Variants in AMOTL1 observed in about 807,000 individuals in gnomAD.
AMOTL1 encodes the protein angiomotin like 1.
Under a neutral mutation model 102.9 loss-of-function variants are expected in AMOTL1, and 45 were observed. That is an observed-to-expected ratio of 0.44 (90% CI 0.34 to 0.56). The LOEUF is 0.56. AMOTL1 is among the 20% of genes least tolerant of loss of function. AMOTL1 has a pLI of 0.01. For missense variants in AMOTL1, 1,114 were observed against 1,225.6 expected, an observed-to-expected ratio of 0.91 and a Z score of 1.36; for synonymous variants, 481 against 484.7, an observed-to-expected ratio of 0.99 and a Z score of 0.10.
rs373703448 is a variant in AMOTL1, at chr11:94,817,215, C to CT, written c.1122-4305dup. On this transcript the variant is annotated intron_variant, in intron 3 of 12. Coordinates refer to ENST00000433060, the MANE Select transcript of AMOTL1 (RefSeq NM_130847.3). ...TGCTCTCAAAGAATAAAGGTTTATG[C>CT]TTTTTTTTTTGGAAATCGTTGAGTT... 5.8e-3 allele frequency among the ~76,000 whole-genome samples: 859 copies of CT among 147,538 alleles called. 8 individuals carry two copies. The highest frequency in any genetic ancestry group is 9.7e-3 in the Non-Finnish European group (645 of 66,666).
At chr11:94,750,971 G>A (rs1372793725) in intron 3 of AMOTL1, among the ~76,000 whole-genome samples, 1 of 152,170 alleles carries the variant, frequency 6.6e-6, no homozygotes, top group Non-Finnish European at 1.5e-5. Context: ...GAGGCTCAGA[G>A]AGGTTAAAGG....
chr11:94,852,347 G>A (rs1952558331), intron 7 of AMOTL1, among the ~76,000 whole-genome samples: 1 of 152,226 alleles, frequency 6.6e-6, no homozygotes, highest in African/African-American at 2.4e-5. Context: ...CAGCAATGCT[G>A]CCTGCTGAGT....
rs1169006115 is a variant in AMOTL1, at chr11:94,869,442, C to T, written c.2733C>T (p.His911=). The change falls in exon 12 of 13, where the codon CAC becomes CAT. Residue 911 remains histidine, a synonymous_variant. Transcript: ENST00000433060. The part of the protein sequence containing the change: ...TTPAHSPVLK[H]PAAKGTAEKL... The stretch of plus-strand genomic sequence containing the variant: ...CTGCTCACAGCCCCGTCCTGAAACA[C>T]CCAGCGGCCAAAGGGACCGCAGAGA... 1.9e-6 allele frequency: 3 copies of T among 1,603,458 alleles called. No homozygotes were observed. The highest frequency in any genetic ancestry group is 2.2e-5 in the South Asian group (2 of 88,964).
At chr11:94,780,441 A>G (rs1267551405) in intron 1 of AMOTL1, among the ~76,000 whole-genome samples, 2 of 152,186 alleles carry the variant, frequency 1.3e-5, no homozygotes, top group Non-Finnish European at 2.9e-5. Context: ...GTCTTCCCTC[A>G]TCCCAAATTC....
intron 7 of AMOTL1, among the ~76,000 whole-genome samples, chr11:94,850,654 G>A (rs947763664): frequency 4.6e-5 from 7 of 152,144 alleles, no homozygotes; most frequent in Non-Finnish European, 1.0e-4. Context: ...GACCATTTCC[G>A]AGGTCCAAGC....
intron 1 of AMOTL1, among the ~76,000 whole-genome samples, chr11:94,709,047 A>C (rs1208299248): frequency 1.3e-5 from 2 of 152,208 alleles, no homozygotes; most frequent in Admixed American, 1.3e-4. Context: ...GGATGTGCAG[A>C]TCAGTGTTTA....
rs531079356 is a variant in AMOTL1 at position 94,871,951 on chromosome 11, A to T, written c.*1156A>T. The T allele has an allele frequency of 6.6e-6, 1 of 151,590 alleles. No individual in the cohort carries two copies. The highest frequency in any genetic ancestry group is 2.4e-5 in the African/African-American group (1 of 40,992). 9.4% of individuals were successfully genotyped at this position (151,590 alleles called of 1,614,324 possible). ...CGTATAGCTTCTTGTATTGAGGCTC[A>T]TGAGCGTATTCACACTCTTTCCTCC... On this transcript the variant is annotated 3_prime_UTR_variant, in exon 13 of 13. Coordinates refer to ENST00000433060, the MANE Select transcript of AMOTL1 (RefSeq NM_130847.3).
chr11:94,866,716 G>A (rs1283805914), intron 11 of AMOTL1: 1 of 155,680 alleles, frequency 6.4e-6, no homozygotes, highest in African/African-American at 2.6e-5. Flanking sequence ...TGGGAGGGAA[G>A]AATGGGATAA....
chr11:94,861,323 A>C (rs1429077822), intron 9 of AMOTL1, among the ~76,000 whole-genome samples: 1 of 152,128 alleles, frequency 6.6e-6, no homozygotes, highest in Non-Finnish European at 1.5e-5. Context: ...TACATAATTG[A>C]AATGGTTTTT....
At chr11:94,716,671 G>A (rs1319837776) in intron 1 of AMOTL1, among the ~76,000 whole-genome samples, 2 of 152,066 alleles carry the variant, frequency 1.3e-5, no homozygotes, top group East Asian at 1.9e-4. Flanking sequence ...ATGGAGGAAG[G>A]GACGGGTCCT....
rs1183670608 is a variant in AMOTL1, at chr11:94,876,122, G to T, written c.*5327G>T. On this transcript the variant is annotated 3_prime_UTR_variant, in exon 13 of 13. Transcript: ENST00000433060. ...CCCGGTGTTGTGTTTACATGTGATT[G>T]TGCCTAGGAGTCTGTTCACATAGAG... is the stretch of plus-strand genomic sequence containing the variant. The T allele has an allele frequency of 6.6e-6, 1 of 152,614 alleles. No individual in the cohort carries two copies. Among genetic ancestry groups the T allele is most frequent in the Non-Finnish European group, 1.5e-5 (1 of 68,036 alleles). The allele number at this position is 152,614 out of a possible 1,614,324, so 9.5% of individuals were successfully genotyped here.
rs144316124 is a variant in AMOTL1 at position 94,852,110 on chromosome 11, C to A, written c.1795-1823C>A. On this transcript the variant is annotated intron_variant, in intron 7 of 12. Coordinates refer to ENST00000433060, the MANE Select transcript of AMOTL1 (RefSeq NM_130847.3). ...TATGGTAAGTGGTGTATGAATCACA[C>A]ACACAAAATATTTTGTCAGATGAGG... 3.9e-5 allele frequency among the ~76,000 whole-genome samples: 6 copies of A among 152,314 alleles called. 1 individual carries two copies. The East Asian group carries it at 1.2e-3, about 29-fold the overall frequency.
chr11:94,751,424 A>G (rs996382719), intron 3 of AMOTL1, among the ~76,000 whole-genome samples: 21 of 152,218 alleles, frequency 1.4e-4, no homozygotes, highest in African/African-American at 5.1e-4. Flanking sequence ...AATAGTGCTG[A>G]TACTATTTCT....
intron 3 of AMOTL1, among the ~76,000 whole-genome samples, chr11:94,805,584 G>C (rs952538091): frequency 4.6e-5 from 7 of 152,106 alleles, no homozygotes; most frequent in African/African-American, 1.7e-4. Flanking sequence ...AACACTTAAG[G>C]CTCTGTTTCT....
intron 3 of AMOTL1, among the ~76,000 whole-genome samples, chr11:94,804,823 G>A (rs1045085747): frequency 5.3e-5 from 8 of 152,230 alleles, no homozygotes; most frequent in African/African-American, 1.9e-4. Context: ...CTTAGCAGGT[G>A]AGAATGGAGT....
At chr11:94,729,762 G>T (rs1428259441) in intron 2 of AMOTL1, among the ~76,000 whole-genome samples, 5 of 152,084 alleles carry the variant, frequency 3.3e-5, no homozygotes, top group Non-Finnish European at 7.4e-5. Context: ...TTTTCACAAG[G>T]ATATGTCTCC....
chr11:94,764,197 A>G (rs541399941), upstream of AMOTL1, among the ~76,000 whole-genome samples: 2 of 151,942 alleles, frequency 1.3e-5, no homozygotes, highest in East Asian at 3.9e-4. Flanking sequence ...ATCATTTTTT[A>G]TCTTTAGCAT....
chr11:94,790,844 A>G (rs1951272026), intron 1 of AMOTL1, among the ~76,000 whole-genome samples: 1 of 152,200 alleles, frequency 6.6e-6, no homozygotes, highest in South Asian at 2.1e-4. Flanking sequence ...AGATTCAGGA[A>G]CTGACCCTTG....
chr11:94,735,237 C>T (rs1055083199), intron 2 of AMOTL1, among the ~76,000 whole-genome samples: 1 of 152,232 alleles, frequency 6.6e-6, no homozygotes, highest in Non-Finnish European at 1.5e-5. Context: ...CAGACTGCTA[C>T]AGGGCAGGTT....
Sources: allele counts gnomAD v4.1 joint callset (sites outside exome capture counted in the v4.1 genomes callset), GRCh38; gene constraint gnomAD v4.1.1; transcripts MANE v1.5; gene names NCBI Gene and HGNC (gene_info 2026-07-23, HGNC 2026-07-21).